Variants in ARHGAP29 observed in about 807,000 individuals in gnomAD.
ARHGAP29 encodes the protein Rho GTPase activating protein 29, also known as rho GTPase-activating protein 29.
In ARHGAP29, 43 loss-of-function variants were observed where a neutral mutation model predicts 122.6. The ratio of observed to expected loss-of-function variants is 0.35; its 90% CI spans 0.27 to 0.45. ARHGAP29 has a LOEUF of 0.45. ARHGAP29 is among the 20% of genes least tolerant of loss of function. The pLI, the probability that ARHGAP29 is intolerant of heterozygous loss-of-function variation, is 1.00. For synonymous variants in ARHGAP29, 506 were observed against 497.1 expected, an observed-to-expected ratio of 1.02 and a Z score of -0.24; for missense variants, 1,303 against 1,477.2, an observed-to-expected ratio of 0.88 and a Z score of 1.93.
chr1:94,299,241 T>G, the ARHGAP29 span, among the ~76,000 whole-genome samples: 4 of 152,230 alleles, frequency 2.6e-5, no homozygotes, highest in African/African-American at 9.6e-5. Flanking sequence ...ATTTATGGAC[T>G]CTGGGATTCC....
chr1:94,187,251 T>C (rs1172455394), intron 15 of ARHGAP29, among the ~76,000 whole-genome samples: 3 of 152,232 alleles, frequency 2.0e-5, no homozygotes, highest in Admixed American at 6.5e-5. Context: ...CACAGGCCTA[T>C]ATCTAAGTGG....
At chr1:94,191,795 A>G (rs527655919) in intron 12 of ARHGAP29, 1 of 152,320 alleles carries the variant, frequency 6.6e-6, no homozygotes, top group East Asian at 1.9e-4. Flanking sequence ...ATAGGCTCTC[A>G]AAGTAATGGC....
chr1:94,214,612 G>C (rs1192995733), intron 3 of ARHGAP29, among the ~76,000 whole-genome samples: 1 of 151,952 alleles, frequency 6.6e-6, no homozygotes, highest in Admixed American at 6.6e-5. Context: ...TTTACCTCTA[G>C]TCTGAACTAT....
the ARHGAP29 span, among the ~76,000 whole-genome samples, chr1:94,306,920 A>G: frequency 6.6e-6 from 1 of 152,244 alleles, no homozygotes; most frequent in African/African-American, 2.4e-5. Flanking sequence ...GTTCAGTTGT[A>G]ATTCAGTGGC....
chr1:94,288,270 T>C, the ARHGAP29 span, among the ~76,000 whole-genome samples: 1 of 152,270 alleles, frequency 6.6e-6, no homozygotes, highest in Non-Finnish European at 1.5e-5. Flanking sequence ...TTTTTTCATA[T>C]GTATGTTGGC....
At chr1:94,288,186 T>C in the ARHGAP29 span, among the ~76,000 whole-genome samples, 1 of 152,172 alleles carries the variant, frequency 6.6e-6, no homozygotes, top group Non-Finnish European at 1.5e-5. Flanking sequence ...AATGATCGCA[T>C]TTCTAACTGG....
chr1:94,309,864 G>C, the ARHGAP29 span, among the ~76,000 whole-genome samples: 3 of 152,102 alleles, frequency 2.0e-5, no homozygotes, highest in Non-Finnish European at 4.4e-5. Flanking sequence ...AAAACAAAGG[G>C]ATGTTCTTTG....
intron 22 of ARHGAP29, chr1:94,177,332 A>G: frequency 3.7e-6 from 1 of 269,826 alleles, no homozygotes; most frequent in Non-Finnish European, 7.0e-6. Context: ...ATTTTAGCTG[A>G]TGGCAAAACT....
intron 19 of ARHGAP29, 124 bp downstream of exon 19, chr1:94,184,027 A>C: frequency 9.5e-7 from 1 of 1,057,994 alleles, no homozygotes; most frequent in Admixed American, 2.4e-5. Context: ...ACTAATCATT[A>C]GCAAGATACC....
the ARHGAP29 span, among the ~76,000 whole-genome samples, chr1:94,287,655 C>T: frequency 2.0e-5 from 3 of 152,126 alleles, no homozygotes; most frequent in East Asian, 5.8e-4. Flanking sequence ...CCCCCCAGCT[C>T]CCCACCCCAC....
the ARHGAP29 span, among the ~76,000 whole-genome samples, chr1:94,310,344 G>A: frequency 6.6e-6 from 1 of 152,188 alleles, no homozygotes; most frequent in Non-Finnish European, 1.5e-5. Flanking sequence ...CGGGAAGATG[G>A]GCACTCCATG....
chr1:94,193,784 T>G (rs933024280), intron 12 of ARHGAP29: 2 of 152,148 alleles, frequency 1.3e-5, no homozygotes, highest in African/African-American at 4.8e-5. Context: ...TGCTATAAAA[T>G]AGTGGTAAAG....
intron 12 of ARHGAP29, chr1:94,194,449 A>G (rs150304174): frequency 6.6e-6 from 1 of 152,344 alleles, no homozygotes; most frequent in East Asian, 1.9e-4. Flanking sequence ...GGCTGCTACA[A>G]CAAAAATACC....
intron 5 of ARHGAP29, 80 bp downstream of exon 5, chr1:94,208,752 C>T: frequency 7.1e-7 from 1 of 1,414,384 alleles, no homozygotes; most frequent in East Asian, 2.4e-5. Context: ...GAGCCACCAC[C>T]CCCGGCCTAA....
chr1:94,187,910 G>A (rs1057451073), intron 15 of ARHGAP29, among the ~76,000 whole-genome samples: 1 of 152,130 alleles, frequency 6.6e-6, no homozygotes, highest in Non-Finnish European at 1.5e-5. Flanking sequence ...AGAACCCAGT[G>A]CTGCGTGAAA....
At chr1:94,304,297 G>A in the ARHGAP29 span, among the ~76,000 whole-genome samples, 31 of 152,238 alleles carry the variant, frequency 2.0e-4, no homozygotes, top group African/African-American at 5.3e-4. Flanking sequence ...GTATTACCAC[G>A]TCCTGCTAAT....
chr1:94,182,167 C>T (rs1649512952), intron 19 of ARHGAP29, among the ~76,000 whole-genome samples: 1 of 150,462 alleles, frequency 6.6e-6, no homozygotes, highest in Non-Finnish European at 1.5e-5. Flanking sequence ...GCAAAAAGAA[C>T]AAAAACTACA....
intron 19 of ARHGAP29, among the ~76,000 whole-genome samples, chr1:94,180,752 T>C (rs1649403691): frequency 6.6e-6 from 1 of 152,182 alleles, no homozygotes. Context: ...ATGAGTAGCA[T>C]GAAGTCTACT....
In ARHGAP29 at chr1:94,174,032, T is replaced by C; in HGVS notation, c.3623A>G (p.Asp1208Gly). Residue 1208 changes from aspartate to glycine, a missense_variant, in exon 23 of 23, where the codon GAC (aspartate) becomes GGC (glycine). Asp to Gly is a moderately conservative substitution (Grantham distance 94). Coordinates refer to ENST00000260526, the MANE Select transcript of ARHGAP29 (RefSeq NM_004815.4). ...AGGACAAGCTGATGCTTTGTCTGGGTCTGGCATTGACTTCACCACGAGACC... is the reference window on the plus strand; with the variant it reads ...AGGACAAGCTGATGCTTTGTCTGGGCCTGGCATTGACTTCACCACGAGACC... The part of the protein sequence containing the change: ...PHGLVVKSMP[D>G]PDKASACPGQ... 1 of 1,614,198 alleles carries C rather than the reference T, an allele frequency of 6.2e-7. No homozygotes were observed. Among genetic ancestry groups the C allele is most frequent in the East Asian group, 2.2e-5 (1 of 44,888 alleles).
Sources: allele counts gnomAD v4.1 joint callset (sites outside exome capture counted in the v4.1 genomes callset), GRCh38; gene constraint gnomAD v4.1.1; transcripts MANE v1.5; gene names NCBI Gene and HGNC (gene_info 2026-07-23, HGNC 2026-07-21).